Variants in GAPDHS observed in about 807,000 individuals in gnomAD.
GAPDHS encodes glyceraldehyde-3-phosphate dehydrogenase, spermatogenic, also known as glyceraldehyde-3-phosphate dehydrogenase, testis-specific.
In GAPDHS, 42 loss-of-function variants were observed where a neutral mutation model predicts 48.7. That is an observed-to-expected ratio of 0.86 (90% CI 0.67 to 1.12). GAPDHS has a LOEUF of 1.12. Ranked by LOEUF, GAPDHS falls within the 50% of genes most tolerant of loss-of-function variation. The probability of loss-of-function intolerance (pLI) is 0.00; values close to 1 mark genes in which losing one functional copy is unlikely to be tolerated. For missense variants in GAPDHS, 512 were observed against 557.7 expected (o/e 0.92, Z 0.82); for synonymous variants, 166 against 219.1 (o/e 0.76, Z 2.14).
chr19:35,542,836 C>A, intron 6 of GAPDHS, 109 bp from the exon 7 acceptor site: 1 of 857,228 alleles, frequency 1.2e-6, no homozygotes, highest in Non-Finnish European at 2.0e-6. Flanking sequence ...CACCCTCATC[C>A]TGACGTTTCA....
intron 9 of GAPDHS, 126 bp from the exon 10 acceptor site, chr19:35,544,783 C>T: frequency 1.4e-6 from 1 of 705,412 alleles, no homozygotes; most frequent in Admixed American, 2.0e-5. Flanking sequence ...AGACTGGACA[C>T]AGTAGGGCTA....
intron 4 of GAPDHS, among the ~76,000 whole-genome samples, chr19:35,539,216 T>C (rs2146294528): frequency 6.6e-6 from 1 of 152,356 alleles, no homozygotes; most frequent in Non-Finnish European, 1.5e-5. Context: ...ATTTGCATGT[T>C]TTCTCGTGGG....
chr19:35,541,985 C>T, intron 4 of GAPDHS: 1 of 322,646 alleles, frequency 3.1e-6, no homozygotes. Context: ...ACGTCCCGGG[C>T]AGCATATGGA....
intron 4 of GAPDHS, among the ~76,000 whole-genome samples, chr19:35,538,895 C>T (rs989152110): frequency 6.6e-6 from 1 of 152,200 alleles, no homozygotes; most frequent in Non-Finnish European, 1.5e-5. Context: ...AGATGCCTCA[C>T]TGTACTGAAG....
Position 35,545,273 on chromosome 19 carries a change from C to A in GAPDHS, c.*103C>A, listed in dbSNP as rs2071539125. The stretch of plus-strand genomic sequence containing the variant: ...GGGGAGGAAGGACACCCGGGGCGGG[C>A]GCCCCACGCCGATGGGTCCATGGTG... On this transcript the variant is annotated 3_prime_UTR_variant, in exon 11 of 11. Transcript: ENST00000222286. 1 of 902,092 alleles carries A rather than the reference C, an allele frequency of 1.1e-6. No individual in the cohort carries two copies. 55.9% of individuals were successfully genotyped at this position (902,092 alleles called of 1,614,324 possible). A position where few individuals can be genotyped will look rare whatever the true frequency, so the allele number is the denominator to read the frequency against.
At chr19:35,535,899 A>G (rs1382270489) in intron 1 of GAPDHS, among the ~76,000 whole-genome samples, 1 of 151,274 alleles carries the variant, frequency 6.6e-6, no homozygotes, top group African/African-American at 2.4e-5. Flanking sequence ...CCCCCCGAGG[A>G]GCTGGGATTA....
intron 1 of GAPDHS, among the ~76,000 whole-genome samples, chr19:35,534,711 G>A (rs1162120058): frequency 2.0e-5 from 3 of 152,212 alleles, no homozygotes; most frequent in East Asian, 1.9e-4. Flanking sequence ...CCCCAAGGAT[G>A]CAAACATCCT....
At chr19:35,535,024 G>C (rs765665061) in intron 1 of GAPDHS, among the ~76,000 whole-genome samples, 2 of 152,126 alleles carry the variant, frequency 1.3e-5, no homozygotes, top group Admixed American at 6.5e-5. Context: ...TGTGGGCCTC[G>C]AGATCTCACT....
intron 2 of GAPDHS, among the ~76,000 whole-genome samples, chr19:35,537,817 G>A (rs1008458272): frequency 2.0e-5 from 3 of 152,354 alleles, no homozygotes; most frequent in East Asian, 1.9e-4. Flanking sequence ...GCTCACGCCT[G>A]TAATCCCAGC....
rs2071479372 is a variant in GAPDHS at position 35,538,367 on chromosome 19, G to A, written c.306G>A (p.Val102=). 2 of 1,613,364 alleles carry A rather than the reference G, an allele frequency of 1.2e-6. No individual in the cohort carries two copies. Among genetic ancestry groups the A allele is most frequent in the African/African-American group, 1.3e-5 (1 of 74,906 alleles). The part of the protein sequence containing the change: ...RACMEKGVKV[V]AVNDPFIDPE... ...GCATGGAGAAGGGTGTTAAGGTGGT[G>A]GCTGTGAATGATCCATTCATTGACC... Residue 102 remains valine (V), a synonymous_variant, in exon 3 of 11, where the codon GTG becomes GTA. Transcript: ENST00000222286.
chr19:35,541,260 A>C (rs1203194279), intron 4 of GAPDHS: 1 of 151,774 alleles, frequency 6.6e-6, no homozygotes, highest in Non-Finnish European at 1.5e-5. Flanking sequence ...GTTCTAAAGC[A>C]CCCTGGGCAA....
rs1021044393 is a variant in GAPDHS, at chr19:35,538,736, G to T, written c.449+53G>T. ...GCTGTGACATATTGAGGCAGGGCAT[G>T]TGGAGGTGGCTAAAATGGGATTCCA... is the stretch of plus-strand genomic sequence containing the variant. On this transcript the variant is annotated intron_variant, in intron 4 of 10. Transcript: ENST00000222286. 4 of 1,170,942 alleles carry T rather than the reference G, an allele frequency of 3.4e-6. No individual in the cohort carries two copies. The East Asian group carries it at 7.0e-5, about 21-fold the overall frequency. 72.5% of individuals were successfully genotyped at this position (1,170,942 alleles called of 1,614,324 possible).
intron 2 of GAPDHS, among the ~76,000 whole-genome samples, chr19:35,537,780 A>T (rs1277946520): frequency 1.3e-5 from 2 of 152,074 alleles, no homozygotes; most frequent in Admixed American, 1.3e-4. Flanking sequence ...CAAGGTTAAG[A>T]ATAGGGGTTA....
At chr19:35,536,107 G>T (rs1198960811) in intron 1 of GAPDHS, among the ~76,000 whole-genome samples, 1 of 152,152 alleles carries the variant, frequency 6.6e-6, no homozygotes. Context: ...GGACAAATTC[G>T]GGGAACAATC....
intron 2 of GAPDHS, among the ~76,000 whole-genome samples, chr19:35,537,792 G>C (rs1325538829): frequency 6.6e-6 from 1 of 151,962 alleles, no homozygotes; most frequent in Non-Finnish European, 1.5e-5. Context: ...TAGGGGTTAG[G>C]AGCCAGGCGC....
At position 35,543,918 on chromosome 19, in the gene GAPDHS, T is replaced by G. The variant is rs556503969; in HGVS notation, c.1056+91T>G. The G allele has an allele frequency of 1.4e-5, 20 of 1,445,034 alleles. No homozygotes were observed. The African/African-American group carries it at 2.9e-4, about 21-fold the overall frequency. The allele number at this position is 1,445,034 out of a possible 1,614,324, so 89.5% of individuals were successfully genotyped here. On this transcript the variant is annotated intron_variant, in intron 9 of 10. Transcript: ENST00000222286. Reference sequence around the variant, plus strand: ...AGGGAGCTGCTCTCAATGTGCCAAGTCAGAAACTGCAGGGCAGGAAGGGAG... The same window carrying G: ...AGGGAGCTGCTCTCAATGTGCCAAGGCAGAAACTGCAGGGCAGGAAGGGAG...
chr19:35,543,121 A>G, intron 7 of GAPDHS, 95 bp downstream of exon 7: 1 of 1,112,438 alleles, frequency 9.0e-7, no homozygotes, highest in East Asian at 2.4e-5. Context: ...AGAGGGAGAG[A>G]CTGGTTTCGG....
rs1037776780 is a variant in GAPDHS, at chr19:35,542,694, G to A, written c.659+86G>A. The A allele has an allele frequency of 1.1e-4, 111 of 976,122 alleles. 1 individual carries two copies. The highest frequency in any genetic ancestry group is 1.6e-4 in the Non-Finnish European group (101 of 618,704). 60.5% of individuals were successfully genotyped at this position (976,122 alleles called of 1,614,324 possible). Reference sequence around the variant, plus strand: ...CCTCAGCCCCACTGGATTCCTGGTCGCTTGGCTTCTGCTTCTCCTTCCCGA... The same window carrying A: ...CCTCAGCCCCACTGGATTCCTGGTCACTTGGCTTCTGCTTCTCCTTCCCGA... On this transcript the variant is annotated intron_variant, in intron 6 of 10. Coordinates refer to ENST00000222286, the MANE Select transcript of GAPDHS (RefSeq NM_014364.5).
At chr19:35,534,844 G>C (rs1403255403) in intron 1 of GAPDHS, among the ~76,000 whole-genome samples, 1 of 152,080 alleles carries the variant, frequency 6.6e-6, no homozygotes, top group Admixed American at 6.5e-5. Flanking sequence ...AGACAGGCCA[G>C]CTGGCCCCCG....
Sources: gnomAD v4.1 joint callset for allele counts (sites outside exome capture counted in the v4.1 genomes callset) on GRCh38, gnomAD v4.1.1 for gene constraint, MANE v1.5 for transcripts, NCBI Gene and HGNC (gene_info 2026-07-23, HGNC 2026-07-21) for gene names.